The following LMX1B variants were observed in gnomAD, a reference collection of about 807,000 sequenced individuals.
LMX1B encodes LIM homeobox transcription factor 1 beta, also known as LIM homeobox transcription factor 1-beta.
A neutral mutation model predicts 51.4 loss-of-function variants in LMX1B; 12 were observed. That is an observed-to-expected ratio of 0.23 (90% CI 0.15 to 0.38). The LOEUF (loss-of-function observed/expected upper bound fraction) is 0.38, where lower values mean the gene tolerates loss of function less well. LMX1B is among the 10% of genes least tolerant of loss of function. The probability of loss-of-function intolerance (pLI) is 1.00; values close to 1 mark genes in which losing one functional copy is unlikely to be tolerated. For synonymous variants in LMX1B, 237 were observed against 235.4 expected (o/e 1.01, Z -0.06); for missense variants, 445 against 571.1 (o/e 0.78, Z 2.25).
chr9:126,632,115 G>A (rs1232948813), intron 2 of LMX1B, among the ~76,000 whole-genome samples: 3 of 152,146 alleles, frequency 2.0e-5, no homozygotes, highest in Non-Finnish European at 4.4e-5. Flanking sequence ...CCACTCTCTC[G>A]CAAGCAAAAT....
intron 2 of LMX1B, among the ~76,000 whole-genome samples, chr9:126,630,662 G>A (rs1216569263): frequency 6.6e-6 from 1 of 152,234 alleles, no homozygotes; most frequent in African/African-American, 2.4e-5. Flanking sequence ...CGTCCTCAGT[G>A]TTGTCAGCTT....
chr9:126,679,926 G>A (rs1242962194), intron 2 of LMX1B, among the ~76,000 whole-genome samples: 1 of 152,118 alleles, frequency 6.6e-6, no homozygotes, highest in African/African-American at 2.4e-5. Flanking sequence ...AGTCCTTCCT[G>A]CCCCACCACT....
At chr9:126,680,104 G>T (rs13291919) in intron 2 of LMX1B, among the ~76,000 whole-genome samples, 14,555 of 152,262 alleles carry the variant, frequency 0.096, 1,054 homozygotes, top group East Asian at 0.34. Flanking sequence ...TTCCACGTGC[G>T]TTGTCAGCCC....
chr9:126,685,826 C>G (rs925559760), intron 2 of LMX1B, among the ~76,000 whole-genome samples: 3 of 152,154 alleles, frequency 2.0e-5, no homozygotes, highest in African/African-American at 7.2e-5. Context: ...AAGGCAGCCT[C>G]TGTCATCATC....
rs762956079 is a variant in LMX1B, at chr9:126,693,804, T to G, written c.878T>G (p.Leu293Arg). Residue 293 changes from leucine (L) to arginine (R), a missense_variant, in exon 6 of 8, where the codon CTG becomes CGG. Around this residue, in one of 3 missense-constraint regions of LMX1B, gnomAD observed 162 missense variants for 187.8 expected, o/e 0.86. Coordinates refer to ENST00000373474, the MANE Select transcript of LMX1B (RefSeq NM_001174147.2). ...CAGGAGCAGCAGAACTCCCAGCGGC[T>G]GGGCCAGGGTGAGCCGGGGCCGGGG... ...QQQEQQNSQR[L>R]GQEVLSSRME... is the part of the protein sequence containing the mutation. The G allele has an allele frequency of 1.2e-4, 160 of 1,354,840 alleles. No individual in the cohort carries two copies. The highest frequency in any genetic ancestry group is 1.6e-4 in the Non-Finnish European group (152 of 979,220). The allele number at this position is 1,354,840 out of a possible 1,614,324, so 83.9% of individuals were successfully genotyped here. A position where few individuals can be genotyped will look rare whatever the true frequency, so the allele number is the denominator to read the frequency against.
intron 2 of LMX1B, among the ~76,000 whole-genome samples, chr9:126,624,251 G>A (rs1217024101): frequency 6.6e-6 from 1 of 152,220 alleles, no homozygotes; most frequent in Non-Finnish European, 1.5e-5. Context: ...TTGGGCTGGG[G>A]TCGGGGTGCC....
Position 126,682,894 on chromosome 9 carries a change from GAAAA to G in LMX1B, c.327-7924_327-7921del, listed in dbSNP as rs577172677. On this transcript the variant is annotated intron_variant, in intron 2 of 7. Coordinates refer to ENST00000373474, the MANE Select transcript of LMX1B (RefSeq NM_001174147.2). The stretch of plus-strand genomic sequence containing the variant: ...TGGGTGACAGAGAGGCACTCTGTCT[GAAAA>G]AAAAAAAAAAAAAAAAAGAAAGAAA... Among the ~76,000 whole-genome samples, 621 of 86,128 alleles carry G rather than the reference GAAAA, an allele frequency of 7.2e-3. 13 individuals are homozygous for G. Among genetic ancestry groups the G allele is most frequent in the African/African-American group, 0.025 (572 of 23,036 alleles). The allele number at this position is 86,128 out of a possible 152,430, so 56.5% of individuals were successfully genotyped here. A position where few individuals can be genotyped will look rare whatever the true frequency, so the allele number is the denominator to read the frequency against.
chr9:126,686,513 C>A (rs902315644), intron 2 of LMX1B, among the ~76,000 whole-genome samples: 2 of 152,164 alleles, frequency 1.3e-5, no homozygotes, highest in Non-Finnish European at 2.9e-5. Flanking sequence ...ATCAGATGAT[C>A]CCCTGGAGGG....
chr9:126,649,460 C>T (rs915170577), intron 2 of LMX1B, among the ~76,000 whole-genome samples: 13 of 152,202 alleles, frequency 8.5e-5, no homozygotes, highest in African/African-American at 3.1e-4. Context: ...AAGCAGGCCT[C>T]AGAATCCCCT....
At chr9:126,654,242 T>C (rs1411375027) in intron 2 of LMX1B, among the ~76,000 whole-genome samples, 1 of 152,152 alleles carries the variant, frequency 6.6e-6, no homozygotes, top group African/African-American at 2.4e-5. Flanking sequence ...GAACGTCCTA[T>C]CCCGGGAACC....
intron 2 of LMX1B, among the ~76,000 whole-genome samples, chr9:126,630,714 A>C (rs1835617271): frequency 6.6e-6 from 1 of 152,160 alleles, no homozygotes; most frequent in Non-Finnish European, 1.5e-5. Context: ...TACTTTGCAA[A>C]TATATAGTGA....
chr9:126,623,052 C>T (rs749910981), intron 2 of LMX1B, among the ~76,000 whole-genome samples: 5 of 152,248 alleles, frequency 3.3e-5, no homozygotes, highest in African/African-American at 4.8e-5. Context: ...GGAAATGAGC[C>T]GAAGGCAGCC....
In LMX1B at chr9:126,632,650, G is replaced by A. The variant is rs187054426; in HGVS notation, c.326+17081G>A. On this transcript the variant is annotated intron_variant, in intron 2 of 7. Coordinates refer to ENST00000373474, the MANE Select transcript of LMX1B (RefSeq NM_001174147.2). ...CCACCTTGGAGGTGAGGGTAGTTGC[G>A]GGAACCAGAGAGGGAACAGGGCACA... 3.2e-3 allele frequency among the ~76,000 whole-genome samples: 490 copies of A among 152,258 alleles called. 4 individuals are homozygous for A. The highest frequency in any genetic ancestry group is 0.01 in the African/African-American group (430 of 41,556).
rs899126332 is a variant in LMX1B at position 126,628,372 on chromosome 9, G to A, written c.326+12803G>A. Among the ~76,000 whole-genome samples the A allele has an allele frequency of 2.0e-5, 3 of 152,328 alleles. No homozygotes were observed. In the East Asian group the frequency reaches 5.8e-4, roughly 29 times the overall value. ...GAGCAGAGGACATGTGGTTTGGGTC[G>A]TGTTATCTTAATCATATTTATTAGC... On this transcript the variant is annotated intron_variant, in intron 2 of 7. Transcript: ENST00000373474.
chr9:126,647,831 A>C (rs1247301977), intron 2 of LMX1B, among the ~76,000 whole-genome samples: 1 of 152,238 alleles, frequency 6.6e-6, no homozygotes, highest in East Asian at 1.9e-4. Context: ...GGAAATGAGA[A>C]GCCTCGAGCA....
At chr9:126,683,698 A>G (rs993099152) in intron 2 of LMX1B, among the ~76,000 whole-genome samples, 6 of 152,178 alleles carry the variant, frequency 3.9e-5, no homozygotes, top group Non-Finnish European at 8.8e-5. Flanking sequence ...CCACCAGCCT[A>G]GGGAGGAGGT....
intron 2 of LMX1B, among the ~76,000 whole-genome samples, chr9:126,624,317 A>G (rs1043187957): frequency 1.3e-5 from 2 of 152,172 alleles, no homozygotes; most frequent in Admixed American, 1.3e-4. Flanking sequence ...CCTTGGAGCC[A>G]CTGCAGGCTC....
Position 126,626,014 on chromosome 9 carries a change from G to GC in LMX1B, c.326+10450dup. On this transcript the variant is annotated intron_variant, in intron 2 of 7. Transcript: ENST00000373474. This position sits in a 1 kb window ranked among gnomAD's most constrained non-coding sequence, Gnocchi z 4.3. ...CAACACCCAGAAACGAAGCCTGCGTGCCCCCGGGGGCTCCGTTTTGCTCCC... is the reference window on the plus strand; with the variant it reads ...CAACACCCAGAAACGAAGCCTGCGTGCCCCCCGGGGGCTCCGTTTTGCTCCC... Among the ~76,000 whole-genome samples, 1 of 152,380 alleles carries GC rather than the reference G, an allele frequency of 6.6e-6. No homozygotes were observed. The highest frequency in any genetic ancestry group is 2.4e-5 in the African/African-American group (1 of 41,598).
intron 2 of LMX1B, among the ~76,000 whole-genome samples, chr9:126,653,329 A>T (rs959466135): frequency 5.3e-5 from 8 of 151,156 alleles, no homozygotes; most frequent in Non-Finnish European, 7.4e-5. Context: ...AATTTTTTGT[A>T]TTTTTTTGTA....
Sources: gnomAD v4.1 joint callset for allele counts (sites outside exome capture counted in the v4.1 genomes callset) on GRCh38, gnomAD v4.1.1 for gene constraint, gnomAD v4.1.1 regional missense constraint, Gnocchi (gnomAD v3.1) non-coding constraint, MANE v1.5 for transcripts, NCBI Gene and HGNC (gene_info 2026-07-23, HGNC 2026-07-21) for gene names.